UBE2R2: variants seen among roughly 807,000 people sequenced by gnomAD.
UBE2R2 encodes ubiquitin-conjugating enzyme E2 R2.
Under a neutral mutation model 27.8 loss-of-function variants are expected in UBE2R2, and 1 was observed. The observed-to-expected ratio is 0.04, with a 90% confidence interval of 0.01 to 0.17. The LOEUF (loss-of-function observed/expected upper bound fraction) is 0.17, where lower values mean the gene tolerates loss of function less well. Among genes scored for constraint, UBE2R2 ranks in the 10% least tolerant of loss-of-function variants. UBE2R2 has a pLI of 1.00. For synonymous variants in UBE2R2, 106 were observed against 113.3 expected (o/e 0.94, Z 0.41); for missense variants, 100 against 291.0 (o/e 0.34, Z 4.78).
Position 33,917,417 on chromosome 9 carries a change from G to T in UBE2R2, c.*180G>T. The T allele has an allele frequency of 1.2e-6, 1 of 817,146 alleles. No homozygotes were observed. The allele number at this position is 817,146 out of a possible 1,614,324, so 50.6% of individuals were successfully genotyped here. ...TGCTCCTTTTTATGGACCTTTAATGGAGAGAGAGTAACCCTCCACAGAATG... is the reference window on the plus strand; with the variant it reads ...TGCTCCTTTTTATGGACCTTTAATGTAGAGAGAGTAACCCTCCACAGAATG... On this transcript the variant is annotated 3_prime_UTR_variant, in exon 5 of 5. Transcript: ENST00000263228.
chr9:33,845,790 C>A (rs1055946259), intron 1 of UBE2R2, among the ~76,000 whole-genome samples: 2 of 151,578 alleles, frequency 1.3e-5, no homozygotes, highest in African/African-American at 4.8e-5. Flanking sequence ...GGCAGATCAT[C>A]TGAGGTCAGG....
At chr9:33,837,668 A>G (rs1007674808) in intron 1 of UBE2R2, among the ~76,000 whole-genome samples, 16 of 151,440 alleles carry the variant, frequency 1.1e-4, no homozygotes, top group Admixed American at 4.0e-4. Flanking sequence ...CAATTGATCT[A>G]CCTGCCTTAG....
intron 2 of UBE2R2, among the ~76,000 whole-genome samples, chr9:33,896,348 T>A (rs1347323725): frequency 6.6e-6 from 1 of 152,182 alleles, no homozygotes; most frequent in Non-Finnish European, 1.5e-5. Context: ...ATAGCAGTGG[T>A]GAAAGCAGGC....
chr9:33,839,360 C>T (rs1256401319), intron 1 of UBE2R2, among the ~76,000 whole-genome samples: 1 of 152,130 alleles, frequency 6.6e-6, no homozygotes. Flanking sequence ...GCCTCAGCCT[C>T]CCAGGTAGCT....
intron 1 of UBE2R2, among the ~76,000 whole-genome samples, chr9:33,826,628 C>T (rs919152823): frequency 8.1e-6 from 1 of 123,978 alleles, no homozygotes; most frequent in African/African-American, 3.2e-5. Flanking sequence ...AATCCAGAGG[C>T]GGAGAGGTTG....
chr9:33,903,655 C>A (rs907285060), intron 3 of UBE2R2, among the ~76,000 whole-genome samples: 1 of 152,108 alleles, frequency 6.6e-6, no homozygotes, highest in Non-Finnish European at 1.5e-5. Context: ...CTCATGTAAT[C>A]CAGTCTTTTG....
chr9:33,911,864 G>A (rs1822500586), intron 3 of UBE2R2, 100 bp from the exon 4 acceptor site: 2 of 1,154,668 alleles, frequency 1.7e-6, no homozygotes, highest in East Asian at 5.8e-5. Flanking sequence ...TTTTAAGGGA[G>A]GGAGAATTTG....
intron 4 of UBE2R2, among the ~76,000 whole-genome samples, chr9:33,916,771 C>G (rs1306545892): frequency 1.3e-5 from 2 of 152,134 alleles, no homozygotes; most frequent in African/African-American, 4.8e-5. Flanking sequence ...ATAATTGATC[C>G]ACTGCTTTAA....
intron 2 of UBE2R2, among the ~76,000 whole-genome samples, chr9:33,893,626 T>A (rs573666338): frequency 2.0e-5 from 3 of 152,134 alleles, no homozygotes; most frequent in Admixed American, 6.6e-5. Flanking sequence ...ATGTTTAACT[T>A]TTTATTTATT....
At chr9:33,888,746 A>G (rs1821918288) in intron 2 of UBE2R2, among the ~76,000 whole-genome samples, 1 of 152,134 alleles carries the variant, frequency 6.6e-6, no homozygotes, top group Admixed American at 6.5e-5. Flanking sequence ...CGAACTTCTG[A>G]CCCCAAGTAA....
At chr9:33,828,707 A>C (rs550733608) in intron 1 of UBE2R2, among the ~76,000 whole-genome samples, 2 of 150,046 alleles carry the variant, frequency 1.3e-5, no homozygotes, top group Admixed American at 1.3e-4. Context: ...GATTACAGGC[A>C]TGTGCCACCA....
chr9:33,836,187 T>G (rs982317087), intron 1 of UBE2R2, among the ~76,000 whole-genome samples: 11 of 152,200 alleles, frequency 7.2e-5, no homozygotes, highest in African/African-American at 2.6e-4. Context: ...GCGCCTATAA[T>G]CCCAGCTACT....
chr9:33,857,934 A>G (rs1407366219), intron 1 of UBE2R2, among the ~76,000 whole-genome samples: 1 of 152,126 alleles, frequency 6.6e-6, no homozygotes, highest in Non-Finnish European at 1.5e-5. Context: ...CTAAAGCCCT[A>G]TGGGAATATG....
chr9:33,857,147 G>A (rs1295772605), intron 1 of UBE2R2, among the ~76,000 whole-genome samples: 1 of 150,770 alleles, frequency 6.6e-6, no homozygotes, highest in Non-Finnish European at 1.5e-5. Flanking sequence ...CCGCCCGTCT[G>A]AGCCTCCCAA....
chr9:33,829,099 C>T (rs1218501965), intron 1 of UBE2R2, among the ~76,000 whole-genome samples: 1 of 152,040 alleles, frequency 6.6e-6, no homozygotes, highest in African/African-American at 2.4e-5. Context: ...TTGAATTTAC[C>T]TCAAGTGATC....
chr9:33,846,123 CAA>C (rs35915082), intron 1 of UBE2R2, among the ~76,000 whole-genome samples: 3 of 135,324 alleles, frequency 2.2e-5, no homozygotes, highest in African/African-American at 2.8e-5. Flanking sequence ...GACTCCGTCT[CAA>C]AAAAAAAAAA....
chr9:33,839,405 T>C (rs1418422022), intron 1 of UBE2R2, among the ~76,000 whole-genome samples: 2 of 152,004 alleles, frequency 1.3e-5, no homozygotes, highest in African/African-American at 4.8e-5. Flanking sequence ...ACCTGGCTAA[T>C]TTTTGTATTT....
chr9:33,849,400 A>G (rs903616670), intron 1 of UBE2R2, among the ~76,000 whole-genome samples: 5 of 152,302 alleles, frequency 3.3e-5, no homozygotes, highest in African/African-American at 1.2e-4. Context: ...ATATTTAAAG[A>G]AATATCTGTT....
At chr9:33,876,865 G>A (rs1456177663) in intron 1 of UBE2R2, among the ~76,000 whole-genome samples, 2 of 151,930 alleles carry the variant, frequency 1.3e-5, no homozygotes, top group Non-Finnish European at 2.9e-5. Flanking sequence ...GCAGTGAGCC[G>A]AGATCGTGCC....
Sources: allele counts gnomAD v4.1 joint callset (sites outside exome capture counted in the v4.1 genomes callset), GRCh38; gene constraint gnomAD v4.1.1; transcripts MANE v1.5; gene names NCBI Gene and HGNC (gene_info 2026-07-23, HGNC 2026-07-21).